The following SPIDR variants were observed in gnomAD, a reference collection of about 807,000 sequenced individuals.
SPIDR encodes DNA repair-scaffolding protein.
SPIDR carries 93 observed loss-of-function variants against 104.6 expected under a neutral mutation model. The observed-to-expected ratio is 0.89, with a 90% CI of 0.75 to 1.06. SPIDR has a LOEUF of 1.06. SPIDR is among the 50% of genes least tolerant of loss of function. The pLI, the probability that SPIDR is intolerant of heterozygous loss-of-function variation, is 0.00. For synonymous variants in SPIDR, 431 were observed against 416.9 expected (o/e 1.03, Z -0.41); for missense variants, 1,154 against 1,111.2 (o/e 1.04, Z -0.55).
At chr8:47,601,249 C>T (rs1446350246) in intron 10 of SPIDR, among the ~76,000 whole-genome samples, 2 of 152,152 alleles carry the variant, frequency 1.3e-5, no homozygotes, top group Non-Finnish European at 2.9e-5. Flanking sequence ...TCTGAGATTG[C>T]ACAATATCGA....
At chr8:47,323,393 T>G (rs2047121305) in intron 5 of SPIDR, among the ~76,000 whole-genome samples, 1 of 152,218 alleles carries the variant, frequency 6.6e-6, no homozygotes, top group Admixed American at 6.5e-5. Flanking sequence ...CCACCTGAGT[T>G]TATTTCTGGT....
At chr8:47,625,175 C>T (rs905157655) in intron 10 of SPIDR, among the ~76,000 whole-genome samples, 40 of 152,156 alleles carry the variant, frequency 2.6e-4, no homozygotes, top group African/African-American at 9.7e-4. Context: ...AGGCCTTTGA[C>T]AAAATTCAAC....
At chr8:47,684,695 A>T (rs2077521711) in intron 11 of SPIDR, among the ~76,000 whole-genome samples, 1 of 152,246 alleles carries the variant, frequency 6.6e-6, no homozygotes, top group Non-Finnish European at 1.5e-5. Context: ...TCCAGCCAGC[A>T]CTGACCCAAG....
In SPIDR at chr8:47,704,678, T is replaced by G. The variant is rs1180047305; in HGVS notation, c.1977+2663T>G. Reference sequence around the variant, plus strand: ...TGAATTTAGGAGTTTTGAAATACCCTTTTTCCTTTGTTTTCTCTTCATCTG... The same window carrying G: ...TGAATTTAGGAGTTTTGAAATACCCGTTTTCCTTTGTTTTCTCTTCATCTG... On this transcript the variant is annotated intron_variant, in intron 14 of 19. Coordinates refer to ENST00000297423, the MANE Select transcript of SPIDR (RefSeq NM_001080394.4). Among the ~76,000 whole-genome samples, 9 of 152,228 alleles carry G rather than the reference T, an allele frequency of 5.9e-5. No individual in the cohort carries two copies. The East Asian group carries it at 1.7e-3, about 29-fold the overall frequency.
chr8:47,421,607 A>G (rs1472426900), intron 7 of SPIDR, among the ~76,000 whole-genome samples: 1 of 152,126 alleles, frequency 6.6e-6, no homozygotes, highest in Non-Finnish European at 1.5e-5. Flanking sequence ...TCTTCTCTCA[A>G]CTTGTGAAAG....
chr8:47,497,305 A>G (rs1485214735), intron 8 of SPIDR, among the ~76,000 whole-genome samples: 1 of 151,318 alleles, frequency 6.6e-6, no homozygotes, highest in Non-Finnish European at 1.5e-5. Flanking sequence ...GTTTTTGTTG[A>G]TTTGAGGTCT....
At chr8:47,354,089 A>G (rs2054064364) in intron 5 of SPIDR, among the ~76,000 whole-genome samples, 2 of 152,194 alleles carry the variant, frequency 1.3e-5, no homozygotes, top group South Asian at 4.1e-4. Context: ...ATACCAGATT[A>G]GAATCTACCG....
chr8:47,599,334 T>C (rs1294497113), intron 10 of SPIDR, 138 bp downstream of exon 10: 1 of 1,195,780 alleles, frequency 8.4e-7, no homozygotes, highest in Admixed American at 2.9e-5. Flanking sequence ...TTTCCTTGCA[T>C]CAAAATTTGG....
intron 6 of SPIDR, among the ~76,000 whole-genome samples, chr8:47,406,308 C>G (rs1397933486): frequency 6.6e-6 from 1 of 152,170 alleles, no homozygotes; most frequent in African/African-American, 2.4e-5. Flanking sequence ...CTACACCACT[C>G]ATTAGACATT....
chr8:47,636,672 G>A (rs1412548874), intron 10 of SPIDR, among the ~76,000 whole-genome samples: 1 of 151,934 alleles, frequency 6.6e-6, no homozygotes, highest in Non-Finnish European at 1.5e-5. Context: ...AAAATAATTA[G>A]CCAGGTGTAG....
chr8:47,294,593 G>A (rs1472269756), intron 5 of SPIDR, among the ~76,000 whole-genome samples: 2 of 152,072 alleles, frequency 1.3e-5, no homozygotes, highest in African/African-American at 2.4e-5. Flanking sequence ...AGTCGTACTC[G>A]TGGCCATCGT....
At chr8:47,475,686 A>G (rs1268426664) in intron 8 of SPIDR, among the ~76,000 whole-genome samples, 1 of 152,218 alleles carries the variant, frequency 6.6e-6, no homozygotes, top group Non-Finnish European at 1.5e-5. Context: ...TGGAGAATGC[A>G]GTGCTGAGGA....
chr8:47,685,513 A>ATTTTTTTTTTTT lies in SPIDR; in HGVS notation c.1685+11575_1685+11576insTTTTTTTTTTTT, dbSNP rs376980650. Reference sequence around the variant, plus strand: ...TATTTATTTATTTATTTATTTATTTATTTATTTTTTTGAGACAGTCTCTCT... The same window carrying ATTTTTTTTTTTT: ...TATTTATTTATTTATTTATTTATTTATTTTTTTTTTTTTTTATTTTTTTGAGACAGTCTCTCT... On this transcript the variant is annotated intron_variant, in intron 11 of 19. Transcript: ENST00000297423. 1.3e-3 allele frequency among the ~76,000 whole-genome samples: 152 copies of ATTTTTTTTTTTT among 121,018 alleles called. 2 individuals are homozygous for ATTTTTTTTTTTT. Among genetic ancestry groups the ATTTTTTTTTTTT allele is most frequent in the Middle Eastern group, 4.2e-3 (1 of 238 alleles). 79.4% of individuals were successfully genotyped at this position (121,018 alleles called of 152,430 possible). A position where few individuals can be genotyped will look rare whatever the true frequency, so the allele number is the denominator to read the frequency against.
rs2041050636 is a variant in SPIDR, at chr8:47,297,369, A to T, written c.525+3339A>T. Reference sequence around the variant, plus strand: ...TTACATATGGCCTTTATTGTGTATAAACACAATATATTCCTTCTATACATA... The same window carrying T: ...TTACATATGGCCTTTATTGTGTATATACACAATATATTCCTTCTATACATA... On this transcript the variant is annotated intron_variant, in intron 5 of 19. Coordinates refer to ENST00000297423, the MANE Select transcript of SPIDR (RefSeq NM_001080394.4). Among the ~76,000 whole-genome samples the T allele has an allele frequency of 2.0e-5, 3 of 152,298 alleles. No homozygotes were observed. In the South Asian group the frequency reaches 6.2e-4, roughly 32 times the overall value.
At chr8:47,381,904 G>T (rs1371567225) in intron 5 of SPIDR, among the ~76,000 whole-genome samples, 1 of 152,202 alleles carries the variant, frequency 6.6e-6, no homozygotes, top group Non-Finnish European at 1.5e-5. Flanking sequence ...AATGATATTA[G>T]TTTAGTTACC....
chr8:47,551,663 T>C (rs1366961202), intron 8 of SPIDR, among the ~76,000 whole-genome samples: 1 of 152,230 alleles, frequency 6.6e-6, no homozygotes, highest in Non-Finnish European at 1.5e-5. Flanking sequence ...TTCTCTCTTT[T>C]CTTCTTTATC....
At chr8:47,470,118 A>G (rs1169090219) in intron 8 of SPIDR, among the ~76,000 whole-genome samples, 3 of 152,178 alleles carry the variant, frequency 2.0e-5, no homozygotes, top group African/African-American at 7.2e-5. Context: ...GGAAGAGCAA[A>G]TATGTAGGAC....
intron 5 of SPIDR, among the ~76,000 whole-genome samples, chr8:47,307,699 C>T (rs587651179): frequency 2.7e-4 from 41 of 151,390 alleles, no homozygotes; most frequent in South Asian, 1.7e-3. Context: ...CCACCATGCC[C>T]GGCTAATTTT....
At chr8:47,422,704 G>T (rs963858161) in intron 7 of SPIDR, among the ~76,000 whole-genome samples, 2 of 152,194 alleles carry the variant, frequency 1.3e-5, no homozygotes, top group African/African-American at 4.8e-5. Flanking sequence ...TGTCGCTCAC[G>T]CTGGGAGATG....
Sources: allele counts gnomAD v4.1 joint callset (sites outside exome capture counted in the v4.1 genomes callset), GRCh38; gene constraint gnomAD v4.1.1; transcripts MANE v1.5; gene names NCBI Gene and HGNC (gene_info 2026-07-23, HGNC 2026-07-21).